Variants in ABHD13 observed in about 807,000 individuals in gnomAD.
ABHD13 encodes the protein abhydrolase domain containing 13, also known as protein ABHD13.
In ABHD13, 7 loss-of-function variants were observed where a neutral mutation model predicts 25.2. The observed-to-expected ratio is 0.28, with a 90% CI of 0.16 to 0.52. The LOEUF is 0.52. Among genes scored for constraint, ABHD13 ranks in the 20% least tolerant of loss-of-function variants. The pLI is 0.96. For synonymous variants in ABHD13, 133 were observed against 136.1 expected, an observed-to-expected ratio of 0.98 and a Z score of 0.16; for missense variants, 302 against 402.7, an observed-to-expected ratio of 0.75 and a Z score of 2.14.
At chr13:108,225,578 A>G (rs1335344959) in intron 1 of ABHD13, among the ~76,000 whole-genome samples, 1 of 152,168 alleles carries the variant, frequency 6.6e-6, no homozygotes, top group Non-Finnish European at 1.5e-5. Flanking sequence ...ATGAGAGATC[A>G]TTATGAGAAG....
rs34538955 is a variant in ABHD13, at chr13:108,233,841, A to G, written c.*3609A>G. On this transcript the variant is annotated 3_prime_UTR_variant, in exon 2 of 2. Transcript: ENST00000375898. ...AAATATACCTCCATTTATATTTTGT[A>G]TCTTAAAATGTAGTTTAAAAATAGG... is the stretch of plus-strand genomic sequence containing the variant. 0.017 allele frequency: 2,815 copies of G among 166,898 alleles called. 28 individuals carry two copies. The highest frequency in any genetic ancestry group is 0.029 in the Non-Finnish European group (1,936 of 67,910). The allele number at this position is 166,898 out of a possible 1,614,324, so 10.3% of individuals were successfully genotyped here. A position where few individuals can be genotyped will look rare whatever the true frequency, so the allele number is the denominator to read the frequency against.
Position 108,229,653 on chromosome 13 carries a change from T to C in ABHD13, c.435T>C (p.Leu145=). Residue 145 remains leucine (L), a synonymous_variant, in exon 2 of 2, where the codon CTT becomes CTC. Coordinates refer to ENST00000375898, the MANE Select transcript of ABHD13 (RefSeq NM_032859.3). This position sits in a 1 kb window ranked among gnomAD's most constrained non-coding sequence, Gnocchi z 4.7. The part of the protein sequence containing the change: ...LLMLVNLKVN[L]LLVDYRGYGK... The stretch of plus-strand genomic sequence containing the variant: ...TGTTGGTTAACCTCAAAGTTAACCT[T>C]TTGCTGGTTGATTATCGAGGATATG... 6.2e-7 allele frequency: 1 copy of C among 1,613,348 alleles called. No homozygotes were observed. Among genetic ancestry groups the C allele is most frequent in the Non-Finnish European group, 8.5e-7 (1 of 1,179,560 alleles).
In ABHD13 at chr13:108,230,790, T is replaced by C. The variant is rs1238009076; in HGVS notation, c.*558T>C. 1 of 166,810 alleles carries C rather than the reference T, an allele frequency of 6.0e-6. No individual in the cohort carries two copies. The highest frequency in any genetic ancestry group is 1.5e-5 in the Non-Finnish European group (1 of 67,964). 10.3% of individuals were successfully genotyped at this position (166,810 alleles called of 1,614,324 possible). ...GGGTTATATCTATTTTTATGTAAAC[T>C]CTATTTTGTTTTTGGCAAGAAGTGA... is the stretch of plus-strand genomic sequence containing the variant. On this transcript the variant is annotated 3_prime_UTR_variant, in exon 2 of 2. Transcript: ENST00000375898.
At chr13:108,224,788 A>G (rs1230638041) in intron 1 of ABHD13, among the ~76,000 whole-genome samples, 3 of 152,234 alleles carry the variant, frequency 2.0e-5, no homozygotes, top group Non-Finnish European at 4.4e-5. Context: ...CAACCAGCCA[A>G]TTAGGACCAT....
At chr13:108,224,316 T>C (rs980432159) in intron 1 of ABHD13, among the ~76,000 whole-genome samples, 3 of 152,170 alleles carry the variant, frequency 2.0e-5, no homozygotes, top group Non-Finnish European at 4.4e-5. Context: ...TATAGTATAC[T>C]AGGATGCATT....
chr13:108,220,883 A>T (rs1363666948), intron 1 of ABHD13, among the ~76,000 whole-genome samples: 1 of 152,230 alleles, frequency 6.6e-6, no homozygotes, highest in African/African-American at 2.4e-5. Context: ...GCCCATTTAT[A>T]AATTGGAAAC....
At chr13:108,219,956 C>T (rs566191832) in intron 1 of ABHD13, among the ~76,000 whole-genome samples, 21 of 152,264 alleles carry the variant, frequency 1.4e-4, no homozygotes, top group African/African-American at 4.8e-4. Context: ...ACTAATAGGG[C>T]TTCTAGTTGT....
rs1333397791 is a variant in ABHD13, at chr13:108,232,550, C to T, written c.*2318C>T. On this transcript the variant is annotated 3_prime_UTR_variant, in exon 2 of 2. Transcript: ENST00000375898. ...AGCAATTGGTTTTAGTAAAATGAGA[C>T]TTCTTCAGGAGTCACTCCTTTACTG... The T allele has an allele frequency of 1.2e-5, 2 of 166,830 alleles. No homozygotes were observed. Among genetic ancestry groups the T allele is most frequent in the African/African-American group, 2.4e-5 (1 of 41,414 alleles). 10.3% of individuals were successfully genotyped at this position (166,830 alleles called of 1,614,324 possible). A position where few individuals can be genotyped will look rare whatever the true frequency, so the allele number is the denominator to read the frequency against.
At position 108,230,921 on chromosome 13, in the gene ABHD13, C is replaced by A. The variant is rs1879790379; in HGVS notation, c.*689C>A. ...GACCCTGTTTTCCAATACAAATGTA[C>A]CGTGTTTTTGTTAGGTACAGTCTGG... On this transcript the variant is annotated 3_prime_UTR_variant, in exon 2 of 2. Transcript: ENST00000375898. The A allele has an allele frequency of 6.0e-6, 1 of 166,710 alleles. No individual in the cohort carries two copies. The highest frequency in any genetic ancestry group is 6.6e-5 in the Admixed American group (1 of 15,220). 10.3% of individuals were successfully genotyped at this position (166,710 alleles called of 1,614,324 possible). A position where few individuals can be genotyped will look rare whatever the true frequency, so the allele number is the denominator to read the frequency against.
Position 108,231,941 on chromosome 13 carries a change from A to G in ABHD13, c.*1709A>G, listed in dbSNP as rs1300248582. 2 of 166,872 alleles carry G rather than the reference A, an allele frequency of 1.2e-5. No homozygotes were observed. The highest frequency in any genetic ancestry group is 2.9e-5 in the Non-Finnish European group (2 of 67,978). 10.3% of individuals were successfully genotyped at this position (166,872 alleles called of 1,614,324 possible). On this transcript the variant is annotated 3_prime_UTR_variant, in exon 2 of 2. Transcript: ENST00000375898. ...TGGTAATGCATATCATGGAAGGCATATTTTGTATGTATAAATTCACCACAA... is the reference window on the plus strand; with the variant it reads ...TGGTAATGCATATCATGGAAGGCATGTTTTGTATGTATAAATTCACCACAA...
At chr13:108,227,284 T>G (rs1342028037) in intron 1 of ABHD13, among the ~76,000 whole-genome samples, 1 of 152,120 alleles carries the variant, frequency 6.6e-6, no homozygotes, top group African/African-American at 2.4e-5. Flanking sequence ...TAAAATAAAT[T>G]GAATAATTCG....
At chr13:108,221,561 C>T (rs866962344) in intron 1 of ABHD13, among the ~76,000 whole-genome samples, 2 of 152,108 alleles carry the variant, frequency 1.3e-5, no homozygotes, top group Non-Finnish European at 2.9e-5. Flanking sequence ...TTCACTTGAA[C>T]CTGCACATTT....
At chr13:108,222,860 T>C (rs1226543446) in intron 1 of ABHD13, among the ~76,000 whole-genome samples, 1 of 152,350 alleles carries the variant, frequency 6.6e-6, no homozygotes, top group East Asian at 1.9e-4. Flanking sequence ...GTCTGCCTCA[T>C]AGAAGACAGG....
At chr13:108,228,989 T>C (rs2139013762) in intron 1 of ABHD13, among the ~76,000 whole-genome samples, 1 of 152,156 alleles carries the variant, frequency 6.6e-6, no homozygotes, top group South Asian at 2.1e-4. Context: ...TAGTGTTTCC[T>C]AAATATGACA....
At position 108,229,540 on chromosome 13, in the gene ABHD13, G is replaced by A; in HGVS notation, c.322G>A (p.Gly108Arg). 6.2e-7 allele frequency: 1 copy of A among 1,613,330 alleles called. No homozygotes were observed. The highest frequency in any genetic ancestry group is 8.5e-7 in the Non-Finnish European group (1 of 1,179,558). ...GAATCTTATTTTGATACGATACACT[G>A]GAGACAATTCACCCTATTCCCCAAC... ...RLNLILIRYT[G>R]DNSPYSPTII... Residue 108 changes from glycine (G) to arginine (R), a missense_variant, in exon 2 of 2, where the codon GGA becomes AGA. Gly to Arg is a moderately radical substitution (Grantham distance 125). Coordinates refer to ENST00000375898, the MANE Select transcript of ABHD13 (RefSeq NM_032859.3). This position sits in a 1 kb window ranked among gnomAD's most constrained non-coding sequence, Gnocchi z 4.7.
At chr13:108,219,011 G>A (rs1029687925) in intron 1 of ABHD13, among the ~76,000 whole-genome samples, 1 of 152,130 alleles carries the variant, frequency 6.6e-6, no homozygotes, top group Non-Finnish European at 1.5e-5. Context: ...ACGTATCTTA[G>A]TGTTCTATGT....
At chr13:108,227,157 G>T (rs1195939150) in intron 1 of ABHD13, among the ~76,000 whole-genome samples, 2 of 152,002 alleles carry the variant, frequency 1.3e-5, no homozygotes, top group Admixed American at 6.6e-5. Flanking sequence ...GGAATGTTTT[G>T]TGGAAAACGG....
rs1306515592 is a variant in ABHD13 at position 108,233,561 on chromosome 13, G to C, written c.*3329G>C. 6.0e-6 allele frequency: 1 copy of C among 166,620 alleles called. No individual in the cohort carries two copies. 10.3% of individuals were successfully genotyped at this position (166,620 alleles called of 1,614,324 possible). A position where few individuals can be genotyped will look rare whatever the true frequency, so the allele number is the denominator to read the frequency against. ...TTAAAAACTGTGAGAGGAAAAATTA[G>C]TCATAACCCTTTTGGGTTATCCACT... On this transcript the variant is annotated 3_prime_UTR_variant, in exon 2 of 2. Transcript: ENST00000375898.
intron 1 of ABHD13, among the ~76,000 whole-genome samples, chr13:108,226,916 G>C (rs534016380): frequency 6.6e-6 from 1 of 152,098 alleles, no homozygotes; most frequent in Non-Finnish European, 1.5e-5. Flanking sequence ...CAATCCGTGA[G>C]TGGAGTTCTT....
Sources: allele counts gnomAD v4.1 joint callset (sites outside exome capture counted in the v4.1 genomes callset), GRCh38; gene constraint gnomAD v4.1.1; non-coding constraint Gnocchi (gnomAD v3.1); transcripts MANE v1.5; gene names NCBI Gene and HGNC (gene_info 2026-07-23, HGNC 2026-07-21).